TRPV4: variants seen among roughly 807,000 people sequenced by gnomAD.
TRPV4 encodes the protein OSM9-like transient receptor potential channel 4.
In TRPV4, 58 loss-of-function variants were observed where a neutral mutation model predicts 84.1. The observed-to-expected ratio is 0.69, with a 90% CI of 0.56 to 0.86. The LOEUF is 0.86. Ranked by LOEUF, TRPV4 falls within the 40% of genes least tolerant of loss-of-function variation. TRPV4 has a pLI of 0.00. For missense variants in TRPV4, 879 were observed against 1,181.1 expected, an observed-to-expected ratio of 0.74 and a Z score of 3.75; for synonymous variants, 489 against 500.9, an observed-to-expected ratio of 0.98 and a Z score of 0.32.
chr12:109,814,416 G>C lies in TRPV4; in HGVS notation c.381C>G (p.Ile127Met). Residue 127 changes from isoleucine to methionine, a missense_variant, in exon 2 of 16, where the codon ATC (isoleucine) becomes ATG (methionine). Around this residue, in one of 4 missense-constraint regions of TRPV4, gnomAD observed 521 missense variants for 686.6 expected, o/e 0.76. Transcript: ENST00000261740. This position sits in a 1 kb window ranked among gnomAD's most constrained non-coding sequence, Gnocchi z 5.4. Reference protein sequence around the residue: ...SSDNKRWRKKIIEKQPQSPKA... With the variant: ...SSDNKRWRKKMIEKQPQSPKA... ...AGGAAGCTAACAATACTCACTCTATGATCTTCTTCCTCCACCTCTTGTTGT... is the reference window on the plus strand; with the variant it reads ...AGGAAGCTAACAATACTCACTCTATCATCTTCTTCCTCCACCTCTTGTTGT... 1.9e-6 allele frequency: 3 copies of C among 1,613,984 alleles called. No homozygotes were observed. In the South Asian group the frequency reaches 3.3e-5, roughly 18 times the overall value.
intron 12 of TRPV4, among the ~76,000 whole-genome samples, chr12:109,790,934 A>T (rs1015408761): frequency 3.3e-5 from 5 of 152,230 alleles, no homozygotes; most frequent in Admixed American, 6.5e-5. Flanking sequence ...CATGTGGAAG[A>T]TAGATAGCAA....
intron 1 of TRPV4, among the ~76,000 whole-genome samples, chr12:109,821,696 A>G (rs1438999170): frequency 3.3e-5 from 5 of 151,882 alleles, no homozygotes; most frequent in African/African-American, 7.3e-5. Flanking sequence ...ACACCCGGCT[A>G]ATTTTTCGTA....
At chr12:109,794,510 G>A (rs780955380) in intron 7 of TRPV4, 23 bp from the exon 8 acceptor site, 3 of 1,613,270 alleles carry the variant, frequency 1.9e-6, no homozygotes, top group South Asian at 2.2e-5. Context: ...GGGTGGTCGG[G>A]GGCTGCCTTC....
At chr12:109,800,961 G>A (rs1890748599) in intron 4 of TRPV4, among the ~76,000 whole-genome samples, 1 of 152,240 alleles carries the variant, frequency 6.6e-6, no homozygotes, top group South Asian at 2.1e-4. Context: ...CAAGCCTGAA[G>A]GATACCTAGT....
At chr12:109,795,674 ATATT>A (rs2136494043) in intron 7 of TRPV4, among the ~76,000 whole-genome samples, 1 of 152,346 alleles carries the variant, frequency 6.6e-6, no homozygotes, top group South Asian at 2.1e-4. Flanking sequence ...TTACCAAAGA[ATATT>A]TAAAAGTACA....
chr12:109,813,514 A>AGTTTGCATTTGTATAAATGC (rs1891653796), intron 2 of TRPV4, among the ~76,000 whole-genome samples: 2 of 152,224 alleles, frequency 1.3e-5, no homozygotes, highest in South Asian at 2.1e-4. Flanking sequence ...TAAATGGCTG[A>AGTTTGCATTTGTATAAATGC]GTTTGCATTT....
At chr12:109,792,187 G>A (rs1182907356) in intron 12 of TRPV4, among the ~76,000 whole-genome samples, 176 bp downstream of exon 12, 1 of 147,806 alleles carries the variant, frequency 6.8e-6, no homozygotes, top group Non-Finnish European at 1.5e-5. Context: ...AGGTTACAGT[G>A]AGCTGAGATT....
At position 109,784,264 on chromosome 12, in the gene TRPV4, T is replaced by G. The variant is rs1592813214; in HGVS notation, c.2458+52A>C. The G allele has an allele frequency of 4.3e-6, 7 of 1,613,398 alleles. No individual in the cohort carries two copies. The East Asian group carries it at 1.3e-4, about 31-fold the overall frequency. On this transcript the variant is annotated intron_variant, in intron 15 of 15. Transcript: ENST00000261740. ...AAGAAGCAGGACTGCTCAAAGCAAA[T>G]TCGTGATGAGAATGGACTGGGGCTC...
chr12:109,816,564 A>G (rs1333467173), intron 1 of TRPV4, among the ~76,000 whole-genome samples: 1 of 152,122 alleles, frequency 6.6e-6, no homozygotes, highest in Non-Finnish European at 1.5e-5. Context: ...GATCACTTGA[A>G]GTCAGGAGTT....
chr12:109,801,345 C>T (rs1400272462), intron 4 of TRPV4, among the ~76,000 whole-genome samples: 1 of 152,156 alleles, frequency 6.6e-6, no homozygotes, highest in Non-Finnish European at 1.5e-5. Flanking sequence ...ATGGGAGGGA[C>T]CCTGTGAAAG....
Position 109,803,033 on chromosome 12 carries a change from T to A in TRPV4, c.670A>T (p.Arg224Trp), listed in dbSNP as rs3825394. The change falls in exon 4 of 16, where the codon AGG (arginine) becomes TGG (tryptophan). Residue 224 changes from arginine (R) to tryptophan (W), a missense_variant. Arg to Trp is a moderately radical substitution (Grantham distance 101, BLOSUM62 -3). This residue lies in a region of TRPV4 where 521 missense variants were observed against 686.6 expected (regional missense o/e 0.76). Coordinates refer to ENST00000261740, the MANE Select transcript of TRPV4 (RefSeq NM_021625.5). Reference protein sequence around the residue: ...LDIAERTGNMREFINSPFRDI... With the variant: ...LDIAERTGNMWEFINSPFRDI... ...CGGAAGGGCGAGTTAATGAACTCCC[T>A]CATGTTGCCGGTGCGCTCCGCGATG... The A allele has an allele frequency of 3.1e-6, 5 of 1,613,808 alleles. No homozygotes were observed. The highest frequency in any genetic ancestry group is 2.2e-5 in the South Asian group (2 of 91,082).
chr12:109,793,627 AGGGGT>A lies in TRPV4; in HGVS notation c.1585-32_1585-28del. ...TGGAAGACAGGAGGGGGCACGTGAAAGGGGTGGGGCCAGCAGGAGAGGAGAGGAGG... is the reference window on the plus strand; with the variant it reads ...TGGAAGACAGGAGGGGGCACGTGAAAGGGGCCAGCAGGAGAGGAGAGGAGG... On this transcript the variant is annotated intron_variant, in intron 9 of 15. Coordinates refer to ENST00000261740, the MANE Select transcript of TRPV4 (RefSeq NM_021625.5). The surrounding 1 kb of genome is among the most constrained non-coding windows in gnomAD (Gnocchi z 4.0). 2 of 1,593,962 alleles carry A rather than the reference AGGGGT, an allele frequency of 1.3e-6. No homozygotes were observed. The highest frequency in any genetic ancestry group is 2.2e-5 in the South Asian group (2 of 90,644).
chr12:109,784,588 G>C (rs1889561768), intron 14 of TRPV4, 151 bp from the exon 15 acceptor site: 4 of 1,202,464 alleles, frequency 3.3e-6, no homozygotes, highest in South Asian at 2.8e-5. Flanking sequence ...CCAGCACTTT[G>C]GGAGGCCGAG....
In TRPV4 at chr12:109,798,139, C is replaced by T. The variant is rs965455296; in HGVS notation, c.1152+475G>A. 6.6e-6 allele frequency among the ~76,000 whole-genome samples: 1 copy of T among 152,106 alleles called. No individual in the cohort carries two copies. Among genetic ancestry groups the T allele is most frequent in the African/African-American group, 2.4e-5 (1 of 41,416 alleles). On this transcript the variant is annotated intron_variant, in intron 6 of 15. Transcript: ENST00000261740. The surrounding 1 kb of genome is among the most constrained non-coding windows in gnomAD (Gnocchi z 5.0). ...TCCTGGCATCTGGTGGGTAGAGGCC[C>T]GGGATGCAGATCAATGTCTGGCAAT...
intron 1 of TRPV4, among the ~76,000 whole-genome samples, chr12:109,817,617 AGTCAC>A (rs1414338789): frequency 1.3e-5 from 2 of 152,238 alleles, no homozygotes; most frequent in Non-Finnish European, 2.9e-5. Context: ...GCCTTCGGCA[AGTCAC>A]GCCGCGATCA....
intron 12 of TRPV4, among the ~76,000 whole-genome samples, chr12:109,789,057 T>A (rs1364757219): frequency 1.3e-5 from 2 of 152,092 alleles, no homozygotes; most frequent in South Asian, 2.1e-4. Flanking sequence ...AGCGTAGGAG[T>A]TTTGACCTGC....
chr12:109,812,543 G>A (rs1393414076), intron 2 of TRPV4, among the ~76,000 whole-genome samples: 7 of 152,104 alleles, frequency 4.6e-5, no homozygotes, highest in Admixed American at 3.9e-4. Flanking sequence ...GAAAAGATGA[G>A]CAAATGAATA....
chr12:109,783,372 T>G lies in TRPV4; in HGVS notation c.*249A>C. ...TAATGGAGAGGCAGGGGCTGGGGCC[T>G]GAGGTGGAGGGGCTCTGGCGTTGGC... On this transcript the variant is annotated 3_prime_UTR_variant, in exon 16 of 16. Transcript: ENST00000261740. The surrounding 1 kb of genome is among the most constrained non-coding windows in gnomAD (Gnocchi z 4.6). 2 of 505,162 alleles carry G rather than the reference T, an allele frequency of 4.0e-6. No individual in the cohort carries two copies. The highest frequency in any genetic ancestry group is 7.0e-6 in the Non-Finnish European group (2 of 286,332). 31.3% of individuals were successfully genotyped at this position (505,162 alleles called of 1,614,324 possible).
intron 1 of TRPV4, among the ~76,000 whole-genome samples, chr12:109,822,219 T>TGGGGGGGGGGGGAGGGGGGGGGGGGGG (rs1892126614): frequency 1.6e-5 from 1 of 61,554 alleles, no homozygotes; most frequent in Non-Finnish European, 3.3e-5. Context: ...GGGAGGTGGG[T>TGGGGGGGGGGGGAGGGGGGGGGGGGGG]GGGGGTTGGA....
Sources: allele counts gnomAD v4.1 joint callset (sites outside exome capture counted in the v4.1 genomes callset), GRCh38; gene constraint gnomAD v4.1.1; regional missense constraint gnomAD v4.1.1; non-coding constraint Gnocchi (gnomAD v3.1); transcripts MANE v1.5; gene names NCBI Gene and HGNC (gene_info 2026-07-23, HGNC 2026-07-21).